Variants in GTPBP4 observed in about 807,000 individuals in gnomAD.
The protein encoded by GTPBP4 is GTP binding protein 4, also known as GTP-binding protein 4.
A neutral mutation model predicts 81.7 loss-of-function variants in GTPBP4; 15 were observed. That is an observed-to-expected ratio of 0.18 (90% CI 0.12 to 0.28). GTPBP4 has a LOEUF of 0.28. Among genes scored for constraint, GTPBP4 ranks in the 10% least tolerant of loss-of-function variants. The probability of loss-of-function intolerance (pLI) is 1.00; values close to 1 mark genes in which losing one functional copy is unlikely to be tolerated. For synonymous variants in GTPBP4, 272 were observed against 274.6 expected (o/e 0.99, Z 0.09); for missense variants, 847 against 793.8 (o/e 1.07, Z -0.81).
intron 8 of GTPBP4, among the ~76,000 whole-genome samples, chr10:1,001,657 G>T (rs961514740): frequency 6.8e-6 from 1 of 146,700 alleles, no homozygotes; most frequent in African/African-American, 2.5e-5. Flanking sequence ...GTCATTCTGG[G>T]ACATGTTTAT....
chr10:993,771 T>A (rs1831490667), intron 2 of GTPBP4, among the ~76,000 whole-genome samples: 1 of 152,054 alleles, frequency 6.6e-6, no homozygotes, highest in Admixed American at 6.6e-5. Context: ...GTGACAGTAC[T>A]TCATATTTAA....
At position 1,017,350 on chromosome 10, in the gene GTPBP4, GT is replaced by G; in HGVS notation, c.*125del. On this transcript the variant is annotated 3_prime_UTR_variant, in exon 17 of 17. Coordinates refer to ENST00000360803, the MANE Select transcript of GTPBP4 (RefSeq NM_012341.3). ...AAAAGACAAAATAAGTAAAGCACTT[GT>G]TGCTTTGCTGAAAACTATGGTTAAC... 2 of 921,130 alleles carry G rather than the reference GT, an allele frequency of 2.2e-6. No homozygotes were observed. Among genetic ancestry groups the G allele is most frequent in the African/African-American group, 1.6e-5 (1 of 60,754 alleles). 57.1% of individuals were successfully genotyped at this position (921,130 alleles called of 1,614,324 possible). A position where few individuals can be genotyped will look rare whatever the true frequency, so the allele number is the denominator to read the frequency against.
intron 1 of GTPBP4, 88 bp from the exon 2 acceptor site, chr10:992,401 A>G: frequency 2.9e-6 from 1 of 349,870 alleles, no homozygotes; most frequent in South Asian, 6.5e-5. Flanking sequence ...CTCTGTCTCA[A>G]AAAAAAAAAA....
rs142209029 is a variant in GTPBP4 at position 1,014,258 on chromosome 10, A to C, written c.1554A>C (p.Thr518=). Residue 518 remains threonine (T), a synonymous_variant, in exon 15 of 17, where the codon ACA becomes ACC. Transcript: ENST00000360803. ...MPRTAKKVQR[T]VLEKEMRSLG... is the part of the protein sequence containing the mutation. The stretch of plus-strand genomic sequence containing the variant: ...TTTATCCTTCTCAGGTTCAGAGGAC[A>C]GTTTTGGAGAAGGAGATGCGTAGTC... The C allele has an allele frequency of 1.1e-5, 17 of 1,597,852 alleles. No individual in the cohort carries two copies. Among genetic ancestry groups the C allele is most frequent in the Non-Finnish European group, 1.5e-5 (17 of 1,165,538 alleles).
chr10:996,875 C>A, intron 4 of GTPBP4: 1 of 283,602 alleles, frequency 3.5e-6, no homozygotes. Context: ...CTTCAAAGTG[C>A]ACTGGTTCCC....
intron 2 of GTPBP4, among the ~76,000 whole-genome samples, chr10:995,151 T>C (rs755762657): frequency 1.3e-5 from 2 of 152,112 alleles, no homozygotes; most frequent in Non-Finnish European, 2.9e-5. Flanking sequence ...TTAAAATGCA[T>C]TAGTAAAATG....
Position 1,008,508 on chromosome 10 carries a change from C to T in GTPBP4, c.1114-450C>T, listed in dbSNP as rs74913987. The T allele has an allele frequency of 9.7e-3, 2,839 of 293,922 alleles. 23 individuals are homozygous for T. Among genetic ancestry groups the T allele is most frequent in the Admixed American group, 0.018 (355 of 20,172 alleles). 18.2% of individuals were successfully genotyped at this position (293,922 alleles called of 1,614,324 possible). On this transcript the variant is annotated intron_variant, in intron 10 of 16. Transcript: ENST00000360803. Reference sequence around the variant, plus strand: ...TGTTGTGAGGGTGGAGGTTGCACTCCGTTTCAAGTGGTCGGCATTTCTGAC... The same window carrying T: ...TGTTGTGAGGGTGGAGGTTGCACTCTGTTTCAAGTGGTCGGCATTTCTGAC...
chr10:989,691 T>G (rs1331320753), intron 1 of GTPBP4, among the ~76,000 whole-genome samples: 1 of 152,208 alleles, frequency 6.6e-6, no homozygotes, highest in Non-Finnish European at 1.5e-5. Flanking sequence ...CCACCATTTC[T>G]TATTTCTTCC....
At chr10:1,001,224 T>C (rs1049323699) in intron 8 of GTPBP4, among the ~76,000 whole-genome samples, 3 of 152,246 alleles carry the variant, frequency 2.0e-5, no homozygotes, top group African/African-American at 7.2e-5. Flanking sequence ...CTGGATTCTT[T>C]GTTCTTGAGT....
At chr10:1,014,368 GA>G in intron 15 of GTPBP4, 56 bp downstream of exon 15, 1 of 1,310,090 alleles carries the variant, frequency 7.6e-7, no homozygotes, top group East Asian at 2.3e-5. Context: ...TTTTAATAAA[GA>G]AAACTGGCCG....
rs530516010 is a variant in GTPBP4, at chr10:1,013,093, C to T, written c.1542+431C>T. ...CCACCTCGCGGGTTCAAGCAATTCT[C>T]CTGCCTCAGCCTCCCGAGTAGCTGG... On this transcript the variant is annotated intron_variant, in intron 14 of 16. Coordinates refer to ENST00000360803, the MANE Select transcript of GTPBP4 (RefSeq NM_012341.3). Among the ~76,000 whole-genome samples the T allele has an allele frequency of 2.0e-5, 3 of 152,052 alleles. No individual in the cohort carries two copies. In the South Asian group the frequency reaches 6.2e-4, roughly 32 times the overall value.
chr10:995,945 A>T lies in GTPBP4; in HGVS notation c.236A>T (p.Tyr79Phe). ...FPKLDDIHPF[Y>F]ADLMNILYDK... ...TTGTTACAGGATATTCATCCGTTCT[A>T]TGCTGATTTGATGAATATTCTCTAC... The change falls in exon 3 of 17, where the codon TAT (tyrosine) becomes TTT (phenylalanine). Residue 79 changes from tyrosine (Y) to phenylalanine (F), a missense_variant. By Grantham distance (22) the Tyr-to-Phe change is conservative. This residue lies in a region of GTPBP4 where 241 missense variants were observed against 216.3 expected (regional missense o/e 1.11). Transcript: ENST00000360803. 1 of 1,604,108 alleles carries T rather than the reference A, an allele frequency of 6.2e-7. No individual in the cohort carries two copies. The highest frequency in any genetic ancestry group is 8.5e-7 in the Non-Finnish European group (1 of 1,170,914).
In GTPBP4 at chr10:997,375, C is replaced by T. The variant is rs563292603; in HGVS notation, c.561+67C>T. ...TTACGTCAGTGTTACTGTATTCTGG[C>T]GGCGTGGGATTCAGGATGGCCTTGT... On this transcript the variant is annotated intron_variant, in intron 5 of 16. Transcript: ENST00000360803. 1.0e-3 allele frequency: 910 copies of T among 898,230 alleles called. 5 individuals carry two copies. The highest frequency in any genetic ancestry group is 1.3e-3 in the Non-Finnish European group (680 of 526,900). The allele number at this position is 898,230 out of a possible 1,614,324, so 55.6% of individuals were successfully genotyped here.
intron 15 of GTPBP4, 30 bp from the exon 16 acceptor site, chr10:1,015,723 G>A: frequency 1.3e-6 from 2 of 1,594,128 alleles, no homozygotes; most frequent in Non-Finnish European, 1.7e-6. Context: ...GGGGTCCTGA[G>A]CGCTGAGCAT....
chr10:989,611 C>T (rs1004954588), intron 1 of GTPBP4, among the ~76,000 whole-genome samples: 1 of 152,202 alleles, frequency 6.6e-6, no homozygotes, highest in Non-Finnish European at 1.5e-5. Flanking sequence ...ACGGGATGAG[C>T]TTGCCTTGGA....
At chr10:988,615 G>A (rs890105427) in intron 1 of GTPBP4, 88 bp downstream of exon 1, 7 of 1,023,328 alleles carry the variant, frequency 6.8e-6, no homozygotes, top group Non-Finnish European at 1.1e-5. Context: ...CCGTGGGAGA[G>A]CGGTCGCCTT....
rs184673336 is a variant in GTPBP4 at position 1,000,165 on chromosome 10, T to G, written c.655-512T>G. Among the ~76,000 whole-genome samples the G allele has an allele frequency of 3.8e-4, 58 of 152,112 alleles. 1 individual carries two copies. Among genetic ancestry groups the G allele is most frequent in the Admixed American group, 5.9e-4 (9 of 15,282 alleles). On this transcript the variant is annotated intron_variant, in intron 6 of 16. Coordinates refer to ENST00000360803, the MANE Select transcript of GTPBP4 (RefSeq NM_012341.3). ...AGCTCTACAGGGTTCCTCCTCCCTT[T>G]TTTGATGTTTAAATAGTATGTACTT...
At position 1,015,841 on chromosome 10, in the gene GTPBP4, G is replaced by T. The variant is rs773394843; in HGVS notation, c.1697G>T (p.Arg566Leu). The change falls in exon 16 of 17, where the codon CGG becomes CTG. Residue 566 changes from arginine to leucine, a missense_variant. Around this residue, in one of 3 missense-constraint regions of GTPBP4, gnomAD observed 600 missense variants for 557.1 expected, o/e 1.08. Transcript: ENST00000360803. The stretch of plus-strand genomic sequence containing the variant: ...TCTGCTCCCCCGTCCTCTGTGGCCC[G>T]GAGTGGGAGTTGCTCTCGAACTCCA... ...EDSAPPSSVA[R>L]SGSCSRTPRD... 3.1e-6 allele frequency: 5 copies of T among 1,613,800 alleles called. No individual in the cohort carries two copies. Among genetic ancestry groups the T allele is most frequent in the Non-Finnish European group, 4.2e-6 (5 of 1,179,806 alleles).
chr10:994,204 G>A (rs1160517961), intron 2 of GTPBP4, among the ~76,000 whole-genome samples: 1 of 152,202 alleles, frequency 6.6e-6, no homozygotes. Context: ...CTTGGGAAAG[G>A]TCAGGTACTA....
Sources: gnomAD v4.1 joint callset for allele counts (sites outside exome capture counted in the v4.1 genomes callset) on GRCh38, gnomAD v4.1.1 for gene constraint, gnomAD v4.1.1 regional missense constraint, MANE v1.5 for transcripts, NCBI Gene and HGNC (gene_info 2026-07-23, HGNC 2026-07-21) for gene names.